Variants in PKIB observed in about 807,000 individuals in gnomAD.
PKIB encodes PKI-beta.
Under a neutral mutation model 4.5 loss-of-function variants are expected in PKIB, and 2 were observed. The observed-to-expected ratio is 0.44, with a 90% confidence interval of 0.18 to 1.39. The LOEUF is 1.39. PKIB is among the 40% of genes most tolerant of loss of function. The pLI, the probability that PKIB is intolerant of heterozygous loss-of-function variation, is 0.27. For missense variants in PKIB, 94 were observed against 92.6 expected, an observed-to-expected ratio of 1.02 and a Z score of -0.06; for synonymous variants, 38 against 36.0, an observed-to-expected ratio of 1.06 and a Z score of -0.20.
chr6:122,594,396 G>A (rs565636084), intron 3 of PKIB, among the ~76,000 whole-genome samples: 3 of 151,882 alleles, frequency 2.0e-5, no homozygotes, highest in Non-Finnish European at 2.9e-5. Flanking sequence ...TAGTAGAGAC[G>A]GGGTTTCACC....
chr6:122,529,405 C>T (rs1486718181), intron 2 of PKIB, among the ~76,000 whole-genome samples: 1 of 152,078 alleles, frequency 6.6e-6, no homozygotes, highest in East Asian at 1.9e-4. Context: ...ATATTGTATT[C>T]TCACTAATAT....
chr6:122,544,889 T>C (rs935401986), intron 2 of PKIB, among the ~76,000 whole-genome samples: 3 of 151,900 alleles, frequency 2.0e-5, no homozygotes, highest in Admixed American at 1.3e-4. Flanking sequence ...ATTTGAAAAA[T>C]ATTCAATATC....
rs71021412 is a variant in PKIB at position 122,662,308 on chromosome 6, C to CTTTTTTTTTTTTTTTTTTTT, written c.-75-12760_-75-12741dup. Among the ~76,000 whole-genome samples the CTTTTTTTTTTTTTTTTTTTT allele has an allele frequency of 1.9e-3, 25 of 13,262 alleles. 6 individuals carry two copies. The highest frequency in any genetic ancestry group is 4.8e-3 in the Admixed American group (3 of 630). 8.7% of individuals were successfully genotyped at this position (13,262 alleles called of 152,430 possible). ...CTCTCCTTCTTTCTTTCCTTGTCTC[C>CTTTTTTTTTTTTTTTTTTTT]TTTTTTTTTTTTTTTTTTTTTTTTT... On this transcript the variant is annotated intron_variant, in intron 2 of 4. Coordinates refer to ENST00000368452, the MANE Select transcript of PKIB (RefSeq NM_181795.3).
intron 2 of PKIB, among the ~76,000 whole-genome samples, chr6:122,526,002 T>C (rs1777083270): frequency 6.6e-6 from 1 of 152,194 alleles, no homozygotes; most frequent in South Asian, 2.1e-4. Context: ...TCTAAGTTCT[T>C]TGTTGTCATT....
chr6:122,529,115 A>G (rs1014833131), intron 2 of PKIB, among the ~76,000 whole-genome samples: 2 of 152,094 alleles, frequency 1.3e-5, no homozygotes, highest in African/African-American at 2.4e-5. Flanking sequence ...TGTTGTTTGT[A>G]TATCTTACAG....
intron 3 of PKIB, chr6:122,701,275 T>A: frequency 1.8e-6 from 1 of 569,926 alleles, no homozygotes; most frequent in Non-Finnish European, 3.1e-6. Flanking sequence ...CCTCTGCGCC[T>A]GTTCCATAGG....
intron 1 of PKIB, among the ~76,000 whole-genome samples, chr6:122,617,362 T>C (rs1330155286): frequency 1.3e-5 from 2 of 152,214 alleles, no homozygotes; most frequent in African/African-American, 4.8e-5. Flanking sequence ...TCTGGCACGG[T>C]AGATCTGGGT....
chr6:122,609,413 G>T (rs1199481894), upstream of PKIB, among the ~76,000 whole-genome samples: 2 of 152,168 alleles, frequency 1.3e-5, no homozygotes, highest in East Asian at 1.9e-4. Flanking sequence ...ATAATTTAAA[G>T]AACTTGATTG....
chr6:122,542,608 G>A (rs1041491569), intron 2 of PKIB, among the ~76,000 whole-genome samples: 3 of 152,182 alleles, frequency 2.0e-5, no homozygotes, highest in African/African-American at 7.2e-5. Context: ...CCGGCCGTGT[G>A]AGGTGTCAGT....
intron 3 of PKIB, chr6:122,701,271 C>T (rs982534749): frequency 3.4e-5 from 19 of 558,398 alleles, no homozygotes; most frequent in South Asian, 1.1e-4. Context: ...GCTGCCTCTG[C>T]GCCTGTTCCA....
At chr6:122,512,761 T>C (rs1776625794) in intron 2 of PKIB, among the ~76,000 whole-genome samples, 1 of 152,180 alleles carries the variant, frequency 6.6e-6, no homozygotes, top group African/African-American at 2.4e-5. Flanking sequence ...AATTAGAAAA[T>C]GAAAGACCAA....
chr6:122,586,595 T>C (rs1773854839), intron 3 of PKIB, among the ~76,000 whole-genome samples: 1 of 152,198 alleles, frequency 6.6e-6, no homozygotes, highest in Non-Finnish European at 1.5e-5. Context: ...TTCTCTTCAG[T>C]CTTTACTGAG....
At chr6:122,574,034 T>C (rs947796943) in intron 2 of PKIB, among the ~76,000 whole-genome samples, 1 of 151,984 alleles carries the variant, frequency 6.6e-6, no homozygotes, top group Admixed American at 6.6e-5. Flanking sequence ...CAAAGACCCA[T>C]CCAAAAAGCT....
chr6:122,593,975 C>T (rs1774091427), intron 3 of PKIB, among the ~76,000 whole-genome samples: 1 of 152,108 alleles, frequency 6.6e-6, no homozygotes, highest in Non-Finnish European at 1.5e-5. Flanking sequence ...AACACAAGTC[C>T]ACCCTTTGTC....
intron 1 of PKIB, among the ~76,000 whole-genome samples, chr6:122,632,768 T>C (rs187357669): frequency 6.6e-6 from 1 of 152,320 alleles, no homozygotes; most frequent in African/African-American, 2.4e-5. Context: ...CTCCTTGGTA[T>C]TTAAATTCAA....
intron 3 of PKIB, among the ~76,000 whole-genome samples, chr6:122,604,956 A>C (rs1177469212): frequency 1.3e-5 from 2 of 152,190 alleles, no homozygotes; most frequent in Non-Finnish European, 2.9e-5. Context: ...TTCTTACTTT[A>C]TAGACTCTGA....
At chr6:122,701,594 C>T in intron 3 of PKIB, 1 of 1,434,168 alleles carries the variant, frequency 7.0e-7, no homozygotes, top group East Asian at 2.5e-5. Flanking sequence ...AGCTCAAGCC[C>T]ATCAGCAGTT....
intron 1 of PKIB, among the ~76,000 whole-genome samples, chr6:122,623,473 G>A (rs1032632350): frequency 1.3e-5 from 2 of 151,880 alleles, no homozygotes; most frequent in Non-Finnish European, 2.9e-5. Flanking sequence ...TGTCAGATGT[G>A]AGAAATAATC....
At chr6:122,645,375 C>T (rs1307191005) in intron 2 of PKIB, among the ~76,000 whole-genome samples, 1 of 152,080 alleles carries the variant, frequency 6.6e-6, no homozygotes, top group Non-Finnish European at 1.5e-5. Context: ...AACTTGTTTC[C>T]GCTGATGGGA....
Sources: allele counts gnomAD v4.1 joint callset (sites outside exome capture counted in the v4.1 genomes callset), GRCh38; gene constraint gnomAD v4.1.1; transcripts MANE v1.5; gene names NCBI Gene and HGNC (gene_info 2026-07-23, HGNC 2026-07-21).